TULP4: variants seen among roughly 807,000 people sequenced by gnomAD.
TULP4 encodes the protein tubby-related protein 4.
In TULP4, 16 loss-of-function variants were observed where a neutral mutation model predicts 129.0. The ratio of observed to expected loss-of-function variants is 0.12; its 90% CI spans 0.08 to 0.19. The LOEUF (loss-of-function observed/expected upper bound fraction) is 0.19, where lower values mean the gene tolerates loss of function less well. Among genes scored for constraint, TULP4 ranks in the 10% least tolerant of loss-of-function variants. TULP4 has a pLI of 1.00. For synonymous variants in TULP4, 998 were observed against 854.0 expected (o/e 1.17, Z -2.94); for missense variants, 1,842 against 2,059.1 (o/e 0.89, Z 2.04).
intron 1 of TULP4, among the ~76,000 whole-genome samples, chr6:158,366,978 G>C (rs1776925766): frequency 6.6e-6 from 1 of 152,092 alleles, no homozygotes; most frequent in Non-Finnish European, 1.5e-5. Flanking sequence ...CCAAAGTATT[G>C]TGGCCTCTGC....
intron 2 of TULP4, among the ~76,000 whole-genome samples, chr6:158,422,629 C>A (rs2115035765): frequency 6.6e-6 from 1 of 152,252 alleles, no homozygotes; most frequent in African/African-American, 2.4e-5. Flanking sequence ...CTCCCCCATA[C>A]AGAGATAGAG....
chr6:158,376,367 C>G (rs1358998857), intron 1 of TULP4, among the ~76,000 whole-genome samples: 1 of 152,166 alleles, frequency 6.6e-6, no homozygotes, highest in East Asian at 1.9e-4. Context: ...CTGGACAAAG[C>G]CTCCTGCTGA....
intron 1 of TULP4, among the ~76,000 whole-genome samples, chr6:158,405,328 G>A (rs1777953830): frequency 6.6e-6 from 1 of 152,148 alleles, no homozygotes; most frequent in Non-Finnish European, 1.5e-5. Flanking sequence ...GAAGTCCAGC[G>A]GAGTCAAAGG....
At chr6:158,365,961 G>A (rs1483529658) in intron 1 of TULP4, among the ~76,000 whole-genome samples, 1 of 131,114 alleles carries the variant, frequency 7.6e-6, no homozygotes, top group East Asian at 2.3e-4. Context: ...GGAGTGCAGT[G>A]GCGCCATCTC....
intron 1 of TULP4, among the ~76,000 whole-genome samples, chr6:158,344,270 C>CTGCA (rs1562527862): frequency 2.0e-5 from 3 of 152,234 alleles, no homozygotes. Flanking sequence ...CTCAGCCCAC[C>CTGCA]TGCACCCAGG....
chr6:158,357,977 G>A (rs1415921291), intron 1 of TULP4, among the ~76,000 whole-genome samples: 1 of 152,208 alleles, frequency 6.6e-6, no homozygotes, highest in African/African-American at 2.4e-5. Flanking sequence ...GTCCTCTTCT[G>A]TGAGCAAAGG....
intron 1 of TULP4, among the ~76,000 whole-genome samples, chr6:158,372,373 G>A (rs1777093166): frequency 6.6e-6 from 1 of 151,690 alleles, no homozygotes; most frequent in African/African-American, 2.4e-5. Context: ...GATGGAAATG[G>A]ATTTTTTTTT....
At chr6:158,476,735 C>T (rs1318456853) in intron 6 of TULP4, among the ~76,000 whole-genome samples, 2 of 152,194 alleles carry the variant, frequency 1.3e-5, no homozygotes, top group East Asian at 3.8e-4. Context: ...AGTAAAGCAG[C>T]TTTGACCAAA....
intron 1 of TULP4, among the ~76,000 whole-genome samples, chr6:158,288,601 C>T (rs1347993791): frequency 1.3e-5 from 2 of 151,878 alleles, no homozygotes; most frequent in Non-Finnish European, 2.9e-5. Flanking sequence ...CCCGGGTTCA[C>T]GCCATTCTCC....
chr6:158,266,479 C>T (rs1391231825), intron 1 of TULP4, among the ~76,000 whole-genome samples: 1 of 152,152 alleles, frequency 6.6e-6, no homozygotes, highest in Non-Finnish European at 1.5e-5. Flanking sequence ...TGGTTTCGAA[C>T]TCCTGGGCTC....
intron 1 of TULP4, among the ~76,000 whole-genome samples, chr6:158,240,460 C>T (rs1407678240): frequency 3.6e-5 from 3 of 83,322 alleles, no homozygotes; most frequent in Admixed American, 1.2e-4. Flanking sequence ...GGGCGGCTGG[C>T]TGGGCGGAAG....
intron 1 of TULP4, among the ~76,000 whole-genome samples, chr6:158,262,878 ATTC>A (rs914038185): frequency 5.3e-5 from 8 of 152,222 alleles, no homozygotes; most frequent in African/African-American, 1.9e-4. Context: ...GGGGTGAAGC[ATTC>A]TTCTGCTGGG....
intron 1 of TULP4, among the ~76,000 whole-genome samples, chr6:158,244,919 G>A (rs553534945): frequency 2.0e-5 from 3 of 152,214 alleles, no homozygotes; most frequent in African/African-American, 7.2e-5. Flanking sequence ...TCAGTTTATG[G>A]TTTTATCGCA....
rs1780681170 is a variant in TULP4 at position 158,509,374 on chromosome 6, A to T, written c.*2680A>T. 6.6e-6 allele frequency: 1 copy of T among 152,114 alleles called. No individual in the cohort carries two copies. The highest frequency in any genetic ancestry group is 1.5e-5 in the Non-Finnish European group (1 of 68,030). The allele number at this position is 152,114 out of a possible 1,614,324, so 9.4% of individuals were successfully genotyped here. ...AATTTTATTTTTATCTGAAAATAACAGTTGATCTGAAATAAAAAGGGGAGA... is the reference window on the plus strand; with the variant it reads ...AATTTTATTTTTATCTGAAAATAACTGTTGATCTGAAATAAAAAGGGGAGA... On this transcript the variant is annotated 3_prime_UTR_variant, in exon 14 of 14. Coordinates refer to ENST00000367097, the MANE Select transcript of TULP4 (RefSeq NM_020245.5).
chr6:158,322,889 A>G (rs1487618568), intron 1 of TULP4, among the ~76,000 whole-genome samples: 5 of 152,200 alleles, frequency 3.3e-5, no homozygotes, highest in African/African-American at 9.7e-5. Flanking sequence ...TGTTCAAAGA[A>G]TGAAGAATGA....
chr6:158,400,007 A>G (rs565662881), intron 1 of TULP4, among the ~76,000 whole-genome samples: 3 of 152,352 alleles, frequency 2.0e-5, no homozygotes, highest in East Asian at 3.9e-4. Context: ...GCTAGCTACC[A>G]TTGTAGGCTG....
At chr6:158,236,141 A>G (rs531281768) in intron 1 of TULP4, among the ~76,000 whole-genome samples, 85 of 152,358 alleles carry the variant, frequency 5.6e-4, no homozygotes, top group African/African-American at 1.9e-3. Flanking sequence ...AATTCAATAA[A>G]TCTTAAAGGG....
intron 6 of TULP4, among the ~76,000 whole-genome samples, chr6:158,477,608 A>G (rs1226060854): frequency 6.6e-6 from 1 of 152,254 alleles, no homozygotes; most frequent in Non-Finnish European, 1.5e-5. Flanking sequence ...AAAAAATCAA[A>G]GAATAATAGA....
At chr6:158,359,348 G>T (rs1390474029) in intron 1 of TULP4, among the ~76,000 whole-genome samples, 5 of 152,206 alleles carry the variant, frequency 3.3e-5, no homozygotes, top group African/African-American at 1.2e-4. Context: ...TAGAGGGACA[G>T]AATTAATAGG....
Sources: gnomAD v4.1 joint callset for allele counts (sites outside exome capture counted in the v4.1 genomes callset) on GRCh38, gnomAD v4.1.1 for gene constraint, MANE v1.5 for transcripts, NCBI Gene and HGNC (gene_info 2026-07-23, HGNC 2026-07-21) for gene names.